Variants in MINK1 observed in about 807,000 individuals in gnomAD.
The protein encoded by MINK1 is misshapen-like kinase 1.
A neutral mutation model predicts 178.4 loss-of-function variants in MINK1; 46 were observed. That is an observed-to-expected ratio of 0.26 (90% CI 0.20 to 0.33). The LOEUF (loss-of-function observed/expected upper bound fraction) is 0.33. Among genes scored for constraint, MINK1 ranks in the 10% least tolerant of loss-of-function variants. The pLI, the probability that MINK1 is intolerant of heterozygous loss-of-function variation, is 1.00. For missense variants in MINK1, 1,366 were observed against 1,814.9 expected, an observed-to-expected ratio of 0.75 and a Z score of 4.49; for synonymous variants, 797 against 709.7, an observed-to-expected ratio of 1.12 and a Z score of -1.96.
At chr17:4,884,840 A>G (rs1567605143) in intron 5 of MINK1, 72 bp from the exon 6 acceptor site, 1 of 1,348,804 alleles carries the variant, frequency 7.4e-7, no homozygotes, top group East Asian at 2.4e-5. Flanking sequence ...TTGTCCCCTC[A>G]ACTCACTCCC....
chr17:4,895,303 TG>T lies in MINK1; in HGVS notation c.3086-46del. On this transcript the variant is annotated intron_variant, in intron 25 of 31. Transcript: ENST00000355280. This position sits in a 1 kb window ranked among gnomAD's most constrained non-coding sequence, Gnocchi z 4.3. ...CGTGGCTCTTGTGCTCCTGGTTAGG[TG>T]AGGGCCTGGCTGAGCCTCTGACCTG... 1.2e-6 allele frequency: 2 copies of T among 1,607,622 alleles called. No individual in the cohort carries two copies. The highest frequency in any genetic ancestry group is 1.7e-6 in the Non-Finnish European group (2 of 1,175,688).
chr17:4,891,513 C>T lies in MINK1; in HGVS notation c.1798C>T (p.Gln600Ter). 1 of 1,611,986 alleles carries T rather than the reference C, an allele frequency of 6.2e-7. No homozygotes were observed. Among genetic ancestry groups the T allele is most frequent in the Non-Finnish European group, 8.5e-7 (1 of 1,178,984 alleles). ...ATATGCAGCACCTGTACCCCGATCCCAGTCCCTGCAGGACCAGCCCACCCG... is the reference window on the plus strand; with the variant it reads ...ATATGCAGCACCTGTACCCCGATCCTAGTCCCTGCAGGACCAGCCCACCCG... ...KPYAAPVPRS[Q>*]SLQDQPTRNL... is the part of the protein sequence containing the mutation. Residue 600 changes from glutamine to a stop codon, truncating the protein, a stop_gained, in exon 16 of 32, where the codon CAG becomes TAG. Coordinates refer to ENST00000355280, the MANE Select transcript of MINK1 (RefSeq NM_153827.5). LOFTEE classifies it high-confidence loss of function.
intron 1 of MINK1, among the ~76,000 whole-genome samples, chr17:4,873,918 C>A (rs1474639192): frequency 6.6e-6 from 1 of 152,096 alleles, no homozygotes; most frequent in Non-Finnish European, 1.5e-5. Context: ...TCACGCCCAA[C>A]CCTAAGGTGG....
chr17:4,881,254 C>G lies in MINK1; in HGVS notation c.303C>G (p.Leu101=), dbSNP rs960213522. The G allele has an allele frequency of 1.1e-5, 17 of 1,537,014 alleles. No homozygotes were observed. Among genetic ancestry groups the G allele is most frequent in the Admixed American group, 3.9e-5 (2 of 50,982 alleles). Residue 101 remains leucine (L), a synonymous_variant, in exon 4 of 32, where the codon CTC becomes CTG. Coordinates refer to ENST00000355280, the MANE Select transcript of MINK1 (RefSeq NM_153827.5). Reference sequence around the variant, plus strand: ...GCCCCCCGGGAAACGATGACCAGCTCTGGGTGAGAAACGCCCCCCTGCCCG... The same window carrying G: ...GCCCCCCGGGAAACGATGACCAGCTGTGGGTGAGAAACGCCCCCCTGCCCG... ...KKSPPGNDDQ[L]WLVMEFCGAG...
intron 4 of MINK1, chr17:4,883,420 G>C (rs893178208): frequency 1.3e-5 from 2 of 151,026 alleles, no homozygotes; most frequent in African/African-American, 2.4e-5. Context: ...TAGCCAGGAT[G>C]GTCTCGAATT....
rs1969583766 is a variant in MINK1 at position 4,896,980 on chromosome 17, A to T, written c.3915+167A>T. ...TACCACTGCCCTGCGCTCCCTTCAG[A>T]TTCCGAGGACTTCCCAGCTGGCCCC... On this transcript the variant is annotated intron_variant, in intron 31 of 31. Transcript: ENST00000355280. The surrounding 1 kb of genome is among the most constrained non-coding windows in gnomAD (Gnocchi z 4.6). The T allele has an allele frequency of 1.9e-6, 2 of 1,069,986 alleles. No individual in the cohort carries two copies. The highest frequency in any genetic ancestry group is 2.6e-6 in the Non-Finnish European group (2 of 755,836). The allele number at this position is 1,069,986 out of a possible 1,614,324, so 66.3% of individuals were successfully genotyped here. A position where few individuals can be genotyped will look rare whatever the true frequency, so the allele number is the denominator to read the frequency against.
At chr17:4,880,300 CTTTT>C (rs1301744231) in intron 2 of MINK1, among the ~76,000 whole-genome samples, 1 of 138,580 alleles carries the variant, frequency 7.2e-6, no homozygotes. Context: ...TTTTTCTTTT[CTTTT>C]TTTTTTTTTT....
intron 1 of MINK1, among the ~76,000 whole-genome samples, chr17:4,854,037 G>A (rs761300736): frequency 9.2e-5 from 14 of 151,988 alleles, no homozygotes; most frequent in Non-Finnish European, 1.0e-4. Context: ...AGAAGCAAAC[G>A]GTTTATTTTT....
At chr17:4,888,783 C>T (rs1465806962) in intron 12 of MINK1, among the ~76,000 whole-genome samples, 7 of 149,862 alleles carry the variant, frequency 4.7e-5, no homozygotes, top group South Asian at 4.2e-4. Flanking sequence ...GCAAAACCTC[C>T]GTCTCCCAGG....
rs1054527239 is a variant in MINK1 at position 4,894,659 on chromosome 17, G to A, written c.2917+26G>A. The stretch of plus-strand genomic sequence containing the variant: ...GTGAGGACAGGAGGACAGACCTGCT[G>A]TGAGGCCAGGGTCCAGGGGCAGCCT... On this transcript the variant is annotated intron_variant, in intron 24 of 31. Coordinates refer to ENST00000355280, the MANE Select transcript of MINK1 (RefSeq NM_153827.5). This position sits in a 1 kb window ranked among gnomAD's most constrained non-coding sequence, Gnocchi z 4.1. 3.9e-6 allele frequency: 6 copies of A among 1,553,300 alleles called. No homozygotes were observed. Among genetic ancestry groups the A allele is most frequent in the Non-Finnish European group, 4.4e-6 (5 of 1,137,834 alleles).
Position 4,885,677 on chromosome 17 carries a change from G to T in MINK1, c.639+64G>T. ...GGCGGGAAGCAATATGGGGACCACG[G>T]GGCCTGAGCAGGCTGGGGAACAGAG... is the stretch of plus-strand genomic sequence containing the variant. On this transcript the variant is annotated intron_variant, in intron 7 of 31. Transcript: ENST00000355280. The surrounding 1 kb of genome is among the most constrained non-coding windows in gnomAD (Gnocchi z 5.0). 6.2e-7 allele frequency: 1 copy of T among 1,600,240 alleles called. No individual in the cohort carries two copies. Among genetic ancestry groups the T allele is most frequent in the Non-Finnish European group, 8.5e-7 (1 of 1,170,728 alleles).
intron 1 of MINK1, chr17:4,844,697 G>C: frequency 5.6e-6 from 2 of 357,192 alleles, no homozygotes; most frequent in Non-Finnish European, 5.4e-6. Flanking sequence ...GTAGATCACT[G>C]TGATGATGAA....
At chr17:4,843,337 G>A (rs1311122814) in intron 1 of MINK1, among the ~76,000 whole-genome samples, 1 of 152,054 alleles carries the variant, frequency 6.6e-6, no homozygotes, top group Non-Finnish European at 1.5e-5. Context: ...AATTAGCCAG[G>A]CATGGTGGGA....
intron 2 of MINK1, among the ~76,000 whole-genome samples, chr17:4,880,322 G>T (rs1190576389): frequency 1.3e-5 from 2 of 148,888 alleles, no homozygotes; most frequent in Non-Finnish European, 3.0e-5. Flanking sequence ...TTTTGAGACG[G>T]AGTCTTGCTC....
In MINK1 at chr17:4,894,601, C is replaced by G; in HGVS notation, c.2885C>G (p.Pro962Arg). The G allele has an allele frequency of 6.2e-7, 1 of 1,608,252 alleles. No homozygotes were observed. The highest frequency in any genetic ancestry group is 1.3e-5 in the African/African-American group (1 of 74,924). Residue 962 changes from proline (P) to arginine (R), a missense_variant, in exon 24 of 32, where the codon CCT becomes CGT. Around this residue, in one of 14 missense-constraint regions of MINK1, gnomAD observed 709 missense variants for 692.3 expected, o/e 1.02. Transcript: ENST00000355280. This position sits in a 1 kb window ranked among gnomAD's most constrained non-coding sequence, Gnocchi z 4.1. ...TMFVDLGIYQ[P>R]GGSGDSIPIT... Reference sequence around the variant, plus strand: ...TTTGTGGATCTAGGGATCTACCAGCCTGGAGGCAGTGGGGACAGCATCCCC... The same window carrying G: ...TTTGTGGATCTAGGGATCTACCAGCGTGGAGGCAGTGGGGACAGCATCCCC...
chr17:4,868,906 C>T (rs1366794923), intron 1 of MINK1: 1 of 246,862 alleles, frequency 4.1e-6, no homozygotes, highest in Non-Finnish European at 8.4e-6. Flanking sequence ...CACACTGCCA[C>T]ACCTGGCTAA....
At chr17:4,848,818 C>G (rs1911476635) in intron 1 of MINK1, among the ~76,000 whole-genome samples, 2 of 152,092 alleles carry the variant, frequency 1.3e-5, no homozygotes, top group Non-Finnish European at 2.9e-5. Flanking sequence ...CAGTTTTGTC[C>G]TTTGTAAAAT....
intron 1 of MINK1, among the ~76,000 whole-genome samples, chr17:4,839,680 A>G (rs79613679): frequency 0.011 from 1,702 of 152,230 alleles, 18 homozygotes; most frequent in Non-Finnish European, 0.016. Flanking sequence ...GGGGTAATGG[A>G]AAAAGGGTTT....
At chr17:4,835,804 C>A (rs558396166) in intron 1 of MINK1, among the ~76,000 whole-genome samples, 1 of 152,120 alleles carries the variant, frequency 6.6e-6, no homozygotes, top group Admixed American at 6.6e-5. Flanking sequence ...TGTGGTATTT[C>A]CCTTCTGGAC....
Sources: gnomAD v4.1 joint callset for allele counts (sites outside exome capture counted in the v4.1 genomes callset) on GRCh38, gnomAD v4.1.1 for gene constraint, gnomAD v4.1.1 regional missense constraint, Gnocchi (gnomAD v3.1) non-coding constraint, MANE v1.5 for transcripts, NCBI Gene and HGNC (gene_info 2026-07-23, HGNC 2026-07-21) for gene names.